PRSS3: variants seen among roughly 807,000 people sequenced by gnomAD.
PRSS3 encodes serine protease 3.
Under a neutral mutation model 20.8 loss-of-function variants are expected in PRSS3, and 14 were observed. That is an observed-to-expected ratio of 0.67 (90% CI 0.44 to 1.05). The LOEUF (loss-of-function observed/expected upper bound fraction) is 1.05, where lower values mean the gene tolerates loss of function less well. Among genes scored for constraint, PRSS3 ranks in the 50% least tolerant of loss-of-function variants. The pLI is 0.00. For synonymous variants in PRSS3, 91 were observed against 117.6 expected (o/e 0.77, Z 1.46); for missense variants, 237 against 306.4 (o/e 0.77, Z 1.69).
chr9:33,757,977 C>A (rs1823028920), intron 1 of PRSS3, among the ~76,000 whole-genome samples: 1 of 152,178 alleles, frequency 6.6e-6, no homozygotes, highest in African/African-American at 2.4e-5. Context: ...TATCACCTTA[C>A]TAAATATCTA....
At chr9:33,782,170 T>C (rs1413938555) in intron 1 of PRSS3, among the ~76,000 whole-genome samples, 4 of 152,182 alleles carry the variant, frequency 2.6e-5, no homozygotes, top group African/African-American at 9.7e-5. Flanking sequence ...ACTTTCTCCT[T>C]GCAGGGCCCC....
intron 1 of PRSS3, among the ~76,000 whole-genome samples, chr9:33,773,416 T>C (rs186695101): frequency 1.3e-5 from 2 of 152,190 alleles, no homozygotes; most frequent in Admixed American, 6.5e-5. Context: ...GTCATGGAAG[T>C]GTTGAGATGA....
chr9:33,792,139 C>T (rs12000132), upstream of PRSS3, among the ~76,000 whole-genome samples: 962 of 151,786 alleles, frequency 6.3e-3, 4 homozygotes, highest in Non-Finnish European at 7.4e-3. Context: ...TTGGATAAAG[C>T]GAAATTGTGC....
upstream of PRSS3, among the ~76,000 whole-genome samples, chr9:33,793,161 C>T (rs1563966762): frequency 6.6e-6 from 1 of 152,210 alleles, no homozygotes; most frequent in Non-Finnish European, 1.5e-5. Flanking sequence ...TACAGAAAAT[C>T]CTCATATTCT....
intron 1 of PRSS3, among the ~76,000 whole-genome samples, chr9:33,778,047 TA>T (rs34860046): frequency 0.73 from 111,374 of 151,962 alleles, 40,831 homozygotes; most frequent in East Asian, 0.81. Flanking sequence ...GGTCTAACAT[TA>T]AAAAAATCAA....
At chr9:33,765,668 G>A (rs1823382163) in intron 1 of PRSS3, among the ~76,000 whole-genome samples, 1 of 152,184 alleles carries the variant, frequency 6.6e-6, no homozygotes, top group African/African-American at 2.4e-5. Flanking sequence ...GGGTGGGATG[G>A]CATGAAATTT....
chr9:33,767,557 C>T (rs1823491202), intron 1 of PRSS3, among the ~76,000 whole-genome samples: 1 of 152,040 alleles, frequency 6.6e-6, no homozygotes, highest in South Asian at 2.1e-4. Flanking sequence ...GGCGCGGTGA[C>T]TCACATCCGT....
chr9:33,759,816 GGAAGAGGAA>G (rs1823105707), intron 1 of PRSS3, among the ~76,000 whole-genome samples: 1 of 152,162 alleles, frequency 6.6e-6, no homozygotes, highest in South Asian at 2.1e-4. Context: ...TCTTGCAAGG[GGAAGAGGAA>G]ACGGAAGTAA....
chr9:33,760,181 GTT>G (rs57890145), intron 1 of PRSS3, among the ~76,000 whole-genome samples: 127 of 139,394 alleles, frequency 9.1e-4, no homozygotes, highest in Middle Eastern at 3.7e-3. Flanking sequence ...TATATGTAAG[GTT>G]TTTTTTTTTT....
At chr9:33,787,897 C>G (rs1480532624) in intron 1 of PRSS3, among the ~76,000 whole-genome samples, 1 of 152,190 alleles carries the variant, frequency 6.6e-6, no homozygotes, top group Non-Finnish European at 1.5e-5. Context: ...TACTTACACA[C>G]AGGCAGCAAG....
Position 33,786,341 on chromosome 9 carries a change from C to A in PRSS3, c.-52-8405C>A. The A allele has an allele frequency of 5.1e-6, 3 of 592,018 alleles. No homozygotes were observed. The South Asian group carries it at 6.1e-5, about 12-fold the overall frequency. The allele number at this position is 592,018 out of a possible 1,614,324, so 36.7% of individuals were successfully genotyped here. On this transcript the variant is annotated intron_variant, in intron 1 of 5. Transcript: ENST00000342836. The stretch of plus-strand genomic sequence containing the variant: ...ACTTCCTCTCCGGAGAGTCTGAAGC[C>A]ACCAGACAGAAGATGAAGGGGATAT...
At chr9:33,792,714 T>C (rs1824689303), upstream of PRSS3, among the ~76,000 whole-genome samples, 1 of 152,120 alleles carries the variant, frequency 6.6e-6, no homozygotes, top group African/African-American at 2.4e-5. Flanking sequence ...ACCTGGAAAA[T>C]GGGCAATCGC....
chr9:33,760,828 C>T (rs531357168), intron 1 of PRSS3, among the ~76,000 whole-genome samples: 7 of 151,698 alleles, frequency 4.6e-5, no homozygotes, highest in Non-Finnish European at 1.0e-4. Context: ...TAGCAGCATT[C>T]AGGCTAGGAC....
chr9:33,794,957 G>T (rs1303609403), upstream of PRSS3: 1 of 1,513,788 alleles, frequency 6.6e-7, no homozygotes, highest in South Asian at 1.3e-5. Flanking sequence ...AGAGCCATCT[G>T]GAAGCCCAGA....
At chr9:33,774,320 A>T (rs901913934) in intron 1 of PRSS3, among the ~76,000 whole-genome samples, 1 of 152,202 alleles carries the variant, frequency 6.6e-6, no homozygotes, top group Non-Finnish European at 1.5e-5. Flanking sequence ...CCATCAAATC[A>T]AAGTACTCAG....
intron 1 of PRSS3, among the ~76,000 whole-genome samples, chr9:33,774,251 T>C (rs1418841101): frequency 1.3e-5 from 2 of 152,220 alleles, no homozygotes; most frequent in African/African-American, 2.4e-5. Flanking sequence ...TGTTCCATAA[T>C]GTAGCTAATC....
intron 1 of PRSS3, among the ~76,000 whole-genome samples, chr9:33,769,925 G>T (rs1744767492): frequency 6.6e-6 from 1 of 152,244 alleles, no homozygotes. Context: ...CAACACTTTG[G>T]GAAGCTGAGG....
At chr9:33,770,446 G>A (rs1187659636) in intron 1 of PRSS3, among the ~76,000 whole-genome samples, 1 of 152,144 alleles carries the variant, frequency 6.6e-6, no homozygotes, top group East Asian at 1.9e-4. Context: ...GCACTGTTGG[G>A]ATGGGGATGA....
chr9:33,762,917 T>A (rs1292439834), intron 1 of PRSS3, among the ~76,000 whole-genome samples: 1 of 152,206 alleles, frequency 6.6e-6, no homozygotes, highest in African/African-American at 2.4e-5. Flanking sequence ...ACATGTATTC[T>A]AGTCAGCTGC....
Sources: allele counts gnomAD v4.1 joint callset (sites outside exome capture counted in the v4.1 genomes callset), GRCh38; gene constraint gnomAD v4.1.1; transcripts MANE v1.5; gene names NCBI Gene and HGNC (gene_info 2026-07-23, HGNC 2026-07-21).